REPS2: variants seen among roughly 807,000 people sequenced by gnomAD.
REPS2 encodes the protein RALBP1 associated Eps domain containing 2.
Under a neutral mutation model 53.6 loss-of-function variants are expected in REPS2, and 23 were observed. The ratio of observed to expected loss-of-function variants is 0.43; its 90% CI spans 0.31 to 0.61. The LOEUF is 0.61. Among genes scored for constraint, REPS2 ranks in the 20% least tolerant of loss-of-function variants. The pLI is 0.11. For synonymous variants in REPS2, 238 were observed against 218.6 expected (o/e 1.09, Z -0.78); for missense variants, 446 against 534.9 (o/e 0.83, Z 1.64).
chrX:17,080,172 T>C (rs1007482979), intron 13 of REPS2, among the ~76,000 whole-genome samples: 30 of 111,181 alleles, frequency 2.7e-4, no homozygotes, highest in African/African-American at 9.8e-4. Context: ...GGATATACCA[T>C]GGTTGACTGT....
chrX:17,014,687 A>G (rs2061467258), intron 2 of REPS2, among the ~76,000 whole-genome samples: 2 of 112,137 alleles, frequency 1.8e-5, no homozygotes, highest in South Asian at 3.7e-4. Context: ...TGAATAGGTA[A>G]CAAAAAGCAG....
chrX:17,164,646 T>C, the REPS2 span, among the ~76,000 whole-genome samples: 46 of 111,830 alleles, frequency 4.1e-4, no homozygotes, highest in African/African-American at 1.5e-3. Flanking sequence ...GAAATGCAGC[T>C]AAAGCAGGGC....
intron 1 of REPS2, among the ~76,000 whole-genome samples, chrX:16,986,102 C>T (rs1262923105): frequency 8.9e-6 from 1 of 111,893 alleles, no homozygotes; most frequent in Non-Finnish European, 1.9e-5. Context: ...TGCTATGCTC[C>T]ATCACTGCAA....
At chrX:17,072,935 G>A (rs2062328425) in intron 11 of REPS2, among the ~76,000 whole-genome samples, 1 of 112,466 alleles carries the variant, frequency 8.9e-6, no homozygotes, top group African/African-American at 3.2e-5. Context: ...CACTCTGGCA[G>A]CGTTTCAGCT....
intron 2 of REPS2, among the ~76,000 whole-genome samples, chrX:17,018,212 C>CTTTT (rs200578522): frequency 2.2e-5 from 2 of 92,284 alleles, no homozygotes; most frequent in African/African-American, 4.1e-5. Flanking sequence ...TGGCAACTGC[C>CTTTT]TTTTTTTTTT....
intron 14 of REPS2, among the ~76,000 whole-genome samples, chrX:17,115,777 C>G (rs1304354223): frequency 8.9e-6 from 1 of 112,374 alleles, no homozygotes; most frequent in Non-Finnish European, 1.9e-5. Flanking sequence ...CAAAGCACAT[C>G]TTGCACCGCC....
chrX:17,071,918 A>C (rs1265191393), intron 11 of REPS2, among the ~76,000 whole-genome samples: 4 of 111,972 alleles, frequency 3.6e-5, no homozygotes, highest in Non-Finnish European at 7.5e-5. Context: ...GAGCCTTAAG[A>C]GATTTTTTAA....
At chrX:17,082,352 TGTA>T (rs1204907267) in intron 13 of REPS2, among the ~76,000 whole-genome samples, 2 of 112,466 alleles carry the variant, frequency 1.8e-5, no homozygotes, top group Admixed American at 9.4e-5. Context: ...AGCTGGGAAA[TGTA>T]GTCCTTGGCA....
rs1490505116 is a variant in REPS2 at position 17,099,706 on chromosome X, C to T, written c.1517-4012C>T. On this transcript the variant is annotated intron_variant, in intron 13 of 17. Coordinates refer to ENST00000357277, the MANE Select transcript of REPS2 (RefSeq NM_004726.3). The stretch of plus-strand genomic sequence containing the variant: ...TCAAGCTACCTCTATGGTGTCAAGA[C>T]AAGTAGAACTTCTTTCCTTCCCACC... 8.4e-6 allele frequency: 4 copies of T among 476,925 alleles called. No homozygotes were observed. In the East Asian group the frequency reaches 1.4e-4, roughly 17 times the overall value. 39.3% of individuals were successfully genotyped at this position (476,925 alleles called of 1,213,427 possible).
intron 4 of REPS2, 106 bp downstream of exon 4, chrX:17,025,291 C>T (rs1197301714): frequency 7.1e-6 from 6 of 844,209 alleles, no homozygotes; most frequent in Non-Finnish European, 9.6e-6. Flanking sequence ...TTTAATTACC[C>T]CTGTCTTTGG....
chrX:16,947,909 A>G (rs2060461178), intron 1 of REPS2, among the ~76,000 whole-genome samples: 1 of 111,945 alleles, frequency 8.9e-6, no homozygotes, highest in Non-Finnish European at 1.9e-5. Flanking sequence ...TTGGAAAAGT[A>G]CTAGGGGATG....
intron 15 of REPS2, 87 bp downstream of exon 15, chrX:17,133,994 G>A: frequency 1.5e-6 from 1 of 685,090 alleles, no homozygotes; most frequent in South Asian, 2.4e-5. Flanking sequence ...ATTGTTTTAA[G>A]GTTTCTGTGT....
intron 14 of REPS2, among the ~76,000 whole-genome samples, chrX:17,105,242 C>G (rs1191805110): frequency 4.5e-5 from 5 of 111,028 alleles, no homozygotes; most frequent in Non-Finnish European, 9.4e-5. Flanking sequence ...CATCACAGGC[C>G]CCTAAGGAGG....
At chrX:17,045,750 A>G (rs141948001) in intron 5 of REPS2, among the ~76,000 whole-genome samples, 1 of 110,215 alleles carries the variant, frequency 9.1e-6, no homozygotes, top group East Asian at 2.8e-4. Flanking sequence ...TATCCATTCT[A>G]CAGTTAGTAT....
At chrX:17,063,748 C>T (rs1268008234) in intron 9 of REPS2, among the ~76,000 whole-genome samples, 1 of 110,910 alleles carries the variant, frequency 9.0e-6, no homozygotes, top group Non-Finnish European at 1.9e-5. Flanking sequence ...GGGCTTCTAG[C>T]AGTGTTTAAA....
At chrX:17,060,509 C>T (rs922971966) in intron 8 of REPS2, among the ~76,000 whole-genome samples, 3 of 110,266 alleles carry the variant, frequency 2.7e-5, no homozygotes, top group Non-Finnish European at 5.7e-5. Context: ...GCAGTTGATA[C>T]GTGCCATGAA....
At chrX:17,017,876 G>C (rs1391427842) in intron 2 of REPS2, among the ~76,000 whole-genome samples, 2 of 110,446 alleles carry the variant, frequency 1.8e-5, no homozygotes, top group African/African-American at 6.6e-5. Context: ...ATATACATGG[G>C]AGTTTGAAGG....
intron 5 of REPS2, among the ~76,000 whole-genome samples, chrX:17,038,804 G>T (rs1569141440): frequency 8.9e-6 from 1 of 112,218 alleles, no homozygotes; most frequent in Non-Finnish European, 1.9e-5. Flanking sequence ...AGCCTGGAGT[G>T]GGAGGGAGAT....
chrX:17,082,515 C>T (rs976607174), intron 13 of REPS2, among the ~76,000 whole-genome samples: 1 of 112,409 alleles, frequency 8.9e-6, no homozygotes, highest in Admixed American at 9.4e-5. Flanking sequence ...GAACAGAACA[C>T]ATCCAGGGCT....
Sources: gnomAD v4.1 joint callset for allele counts (sites outside exome capture counted in the v4.1 genomes callset) on GRCh38, gnomAD v4.1.1 for gene constraint, MANE v1.5 for transcripts, NCBI Gene and HGNC (gene_info 2026-07-23, HGNC 2026-07-21) for gene names.